The following ABCA4 variants were observed in gnomAD, a reference collection of about 807,000 sequenced individuals.
The protein encoded by ABCA4 is retinal-specific phospholipid-transporting ATPase ABCA4.
A neutral mutation model predicts 263.7 loss-of-function variants in ABCA4; 196 were observed. The observed-to-expected ratio is 0.74, with a 90% CI of 0.66 to 0.84. The LOEUF is 0.84. Ranked by LOEUF, ABCA4 falls within the 40% of genes least tolerant of loss-of-function variation. The pLI, the probability that ABCA4 is intolerant of heterozygous loss-of-function variation, is 0.00. For missense variants in ABCA4, 2,792 were observed against 2,855.1 expected (o/e 0.98, Z 0.50); for synonymous variants, 1,133 against 1,094.2 (o/e 1.04, Z -0.70).
rs1659158345 is a variant in ABCA4, at chr1:94,001,028, C to T, written c.6360G>A (p.Gly2120=). The change falls in exon 46 of 50, where the codon GGG becomes GGA. Residue 2120 remains glycine, a synonymous_variant. Transcript: ENST00000370225. ...TGTGGGATGTGAGGACCACAGCCCTCCCTTCTCTGATGATGCTCACGATGA... is the reference window on the plus strand; with the variant it reads ...TGTGGGATGTGAGGACCACAGCCCTTCCTTCTCTGATGATGCTCACGATGA... ...WNVIVSIIRE[G]RAVVLTSHSM... The T allele has an allele frequency of 6.2e-7, 1 of 1,614,092 alleles. No homozygotes were observed. The highest frequency in any genetic ancestry group is 8.5e-7 in the Non-Finnish European group (1 of 1,180,048).
At chr1:93,995,981 C>T (rs138940980) in intron 49 of ABCA4, 128 bp downstream of exon 49, 21 of 764,730 alleles carry the variant, frequency 2.7e-5, no homozygotes, top group Admixed American at 2.0e-4. Flanking sequence ...TGGTAGGGAC[C>T]GTGGTGTGGG....
At position 93,997,787 on chromosome 1, in the gene ABCA4, A is replaced by G. The variant is rs1454514800; in HGVS notation, c.6729+74T>C. Reference sequence around the variant, plus strand: ...ATCGGGAATGTTATGCCTCCCTCTTATGGCAATTCCAACCCACACTGGGTG... The same window carrying G: ...ATCGGGAATGTTATGCCTCCCTCTTGTGGCAATTCCAACCCACACTGGGTG... On this transcript the variant is annotated intron_variant, in intron 48 of 49. Coordinates refer to ENST00000370225, the MANE Select transcript of ABCA4 (RefSeq NM_000350.3). 6.9e-6 allele frequency: 11 copies of G among 1,597,540 alleles called. No homozygotes were observed. The East Asian group carries it at 2.2e-4, about 32-fold the overall frequency.
chr1:94,038,700 A>G (rs570381900), intron 24 of ABCA4, among the ~76,000 whole-genome samples: 104 of 152,306 alleles, frequency 6.8e-4, no homozygotes, highest in East Asian at 3.1e-3. Context: ...TTGAACCCAA[A>G]GCTGCTGGAT....
chr1:94,000,255 T>A (rs1399187296), intron 47 of ABCA4, among the ~76,000 whole-genome samples: 4 of 152,230 alleles, frequency 2.6e-5, no homozygotes, highest in Admixed American at 1.3e-4. Context: ...ATGCTGATAA[T>A]CTTAAACTGT....
At chr1:94,023,558 GGAAGC>G in intron 31 of ABCA4, 140 bp from the exon 32 acceptor site, 1 of 751,722 alleles carries the variant, frequency 1.3e-6, no homozygotes, top group Non-Finnish European at 2.4e-6. Context: ...CAAGCAATGC[GGAAGC>G]CGCCCAGCCC....
rs200294610 is a variant in ABCA4, at chr1:94,055,280, A to G, written c.2418T>C (p.Thr806=). The G allele has an allele frequency of 6.9e-5, 111 of 1,614,176 alleles. No homozygotes were observed. Among genetic ancestry groups the G allele is most frequent in the Non-Finnish European group, 9.1e-5 (107 of 1,180,038 alleles). ...LLSPVAFGFG[T]EYLVRFEEQG... Reference sequence around the variant, plus strand: ...GCTCTTCAAAGCGAACCAGGTACTCAGTGCCAAATCCAAATGCCACCGGAG... The same window carrying G: ...GCTCTTCAAAGCGAACCAGGTACTCGGTGCCAAATCCAAATGCCACCGGAG... The change falls in exon 16 of 50, where the codon ACT becomes ACC. Residue 806 remains threonine, a synonymous_variant. Transcript: ENST00000370225.
chr1:94,092,624 G>C (rs890600330), intron 6 of ABCA4, among the ~76,000 whole-genome samples: 1 of 152,202 alleles, frequency 6.6e-6, no homozygotes, highest in Non-Finnish European at 1.5e-5. Flanking sequence ...AGAGGGAACT[G>C]AGTGTCTCAA....
intron 38 of ABCA4, among the ~76,000 whole-genome samples, chr1:94,013,179 T>A (rs1304373750): frequency 6.6e-6 from 1 of 152,004 alleles, no homozygotes; most frequent in African/African-American, 2.4e-5. Flanking sequence ...GCACTTTCAG[T>A]CACCTGGGTG....
At position 94,018,664 on chromosome 1, in the gene ABCA4, G is replaced by A. The variant is rs531449834; in HGVS notation, c.5196+918C>T. ...ATCATCACATGAAATGGAGGCTCAT[G>A]TTGGTCTTAAAATGTTGAGATTTTA... is the stretch of plus-strand genomic sequence containing the variant. On this transcript the variant is annotated intron_variant, in intron 36 of 49. Coordinates refer to ENST00000370225, the MANE Select transcript of ABCA4 (RefSeq NM_000350.3). The A allele has an allele frequency of 1.3e-4, 60 of 449,568 alleles. 2 individuals carry two copies. The highest frequency in any genetic ancestry group is 9.2e-4 in the South Asian group (58 of 62,778). 27.8% of individuals were successfully genotyped at this position (449,568 alleles called of 1,614,324 possible).
At chr1:94,108,499 C>T in intron 4 of ABCA4, 78 bp downstream of exon 4, 1 of 1,601,420 alleles carries the variant, frequency 6.2e-7, no homozygotes, top group South Asian at 1.1e-5. Flanking sequence ...TTCACCAACT[C>T]TCCCTGTTCT....
Position 94,046,034 on chromosome 1 carries a change from C to G in ABCA4, c.2918+885G>C, listed in dbSNP as rs1660663971. On this transcript the variant is annotated intron_variant, in intron 19 of 49. Coordinates refer to ENST00000370225, the MANE Select transcript of ABCA4 (RefSeq NM_000350.3). ...CTTCTGTTACCAGGCGGTTACTCCA[C>G]AAGCCCCTCTAGAGACTGATTCTTT... 9.0e-6 allele frequency: 4 copies of G among 442,398 alleles called. No individual in the cohort carries two copies. In the Admixed American group the frequency reaches 9.6e-5, roughly 11 times the overall value. The allele number at this position is 442,398 out of a possible 1,614,324, so 27.4% of individuals were successfully genotyped here.
At chr1:94,080,793 C>T (rs563097018) in intron 7 of ABCA4, 75 bp from the exon 8 acceptor site, 193 of 1,597,898 alleles carry the variant, frequency 1.2e-4, no homozygotes, top group Non-Finnish European at 1.5e-4. Flanking sequence ...AATGCTCCAA[C>T]GTTTGGTTTG....
intron 11 of ABCA4, among the ~76,000 whole-genome samples, chr1:94,066,550 C>T (rs1661272184): frequency 6.6e-6 from 1 of 152,208 alleles, no homozygotes. Flanking sequence ...AGTCATGGGG[C>T]ATTTGGACAG....
At chr1:94,002,055 T>G in intron 44 of ABCA4, 63 bp from the exon 45 acceptor site, 1 of 1,612,192 alleles carries the variant, frequency 6.2e-7, no homozygotes, top group Non-Finnish European at 8.5e-7. Flanking sequence ...CTCCCCCAGT[T>G]CAAAGCCTTG....
At chr1:94,006,269 A>G (rs1356456189) in intron 43 of ABCA4, among the ~76,000 whole-genome samples, 2 of 145,652 alleles carry the variant, frequency 1.4e-5, no homozygotes, top group African/African-American at 5.2e-5. Context: ...ACAATGACAA[A>G]AGCCACCAAA....
intron 3 of ABCA4, 88 bp from the exon 4 acceptor site, chr1:94,108,804 G>C: frequency 6.9e-7 from 1 of 1,454,434 alleles, no homozygotes; most frequent in Non-Finnish European, 9.4e-7. Context: ...TTTTTATCTC[G>C]CTCTGTCACC....
intron 4 of ABCA4, among the ~76,000 whole-genome samples, chr1:94,107,813 T>C (rs188334075): frequency 1.3e-4 from 20 of 152,348 alleles, no homozygotes; most frequent in Non-Finnish European, 2.4e-4. Context: ...TTTCACTTTC[T>C]GACCACAGCC....
rs184472071 is a variant in ABCA4, at chr1:94,069,297, T to C, written c.1555-5980A>G. Among the ~76,000 whole-genome samples, 284 of 152,316 alleles carry C rather than the reference T, an allele frequency of 1.9e-3. 1 individual carries two copies. The highest frequency in any genetic ancestry group is 6.6e-3 in the African/African-American group (274 of 41,566). The stretch of plus-strand genomic sequence containing the variant: ...ATTAAATTATCTGTTAGGTGGGAAA[T>C]GATGTCCAGTAGAGGCAGAGAAAGA... On this transcript the variant is annotated intron_variant, in intron 11 of 49. Coordinates refer to ENST00000370225, the MANE Select transcript of ABCA4 (RefSeq NM_000350.3).
chr1:94,119,535 C>T (rs541099969), intron 1 of ABCA4, among the ~76,000 whole-genome samples: 15 of 152,246 alleles, frequency 9.9e-5, no homozygotes, highest in African/African-American at 1.7e-4. Context: ...GGTCCAGACC[C>T]GAGGTCAGGT....
Sources: gnomAD v4.1 joint callset for allele counts (sites outside exome capture counted in the v4.1 genomes callset) on GRCh38, gnomAD v4.1.1 for gene constraint, MANE v1.5 for transcripts, NCBI Gene and HGNC (gene_info 2026-07-23, HGNC 2026-07-21) for gene names.